GULP1: variants seen among roughly 807,000 people sequenced by gnomAD.
The protein encoded by GULP1 is GULP PTB domain containing engulfment adaptor 1, also known as PTB domain-containing engulfment adapter protein 1.
In GULP1, 19 loss-of-function variants were observed where a neutral mutation model predicts 40.9. The ratio of observed to expected loss-of-function variants is 0.46; its 90% CI spans 0.32 to 0.68. The LOEUF (loss-of-function observed/expected upper bound fraction) is 0.68. Among genes scored for constraint, GULP1 ranks in the 30% least tolerant of loss-of-function variants. The pLI is 0.03. For missense variants in GULP1, 312 were observed against 362.2 expected (o/e 0.86, Z 1.12); for synonymous variants, 119 against 117.6 (o/e 1.01, Z -0.08).
In GULP1 at chr2:188,587,912, T is replaced by A; in HGVS notation, c.806T>A (p.Phe269Tyr). The A allele has an allele frequency of 6.2e-7, 1 of 1,608,542 alleles. No homozygotes were observed. Among genetic ancestry groups the A allele is most frequent in the Non-Finnish European group, 8.5e-7 (1 of 1,174,990 alleles). ...FDPFNCGAAD[F>Y]PPDIQSKLDE... is the part of the protein sequence containing the mutation. ...CCATTTAACTGTGGAGCAGCAGATT[T>A]CCCTCCAGATATTCAATCAAAATTA... Residue 269 changes from phenylalanine (F) to tyrosine (Y), a missense_variant, in exon 11 of 12, where the codon TTC (phenylalanine) becomes TAC (tyrosine). By Grantham distance (22) the Phe-to-Tyr change is conservative. Transcript: ENST00000409830.
chr2:188,419,946 G>C (rs562882440), intron 2 of GULP1, among the ~76,000 whole-genome samples: 123 of 152,190 alleles, frequency 8.1e-4, no homozygotes, highest in South Asian at 3.5e-3. Flanking sequence ...AACACCATTT[G>C]TTGAAGAGAG....
chr2:188,467,168 A>G (rs1333413251), intron 2 of GULP1, among the ~76,000 whole-genome samples: 2 of 152,154 alleles, frequency 1.3e-5, no homozygotes, highest in Non-Finnish European at 2.9e-5. Context: ...ATTTTCAAGA[A>G]TTGGAGTTAG....
chr2:188,385,182 A>G (rs1288921379), intron 2 of GULP1, among the ~76,000 whole-genome samples: 1 of 152,136 alleles, frequency 6.6e-6, no homozygotes, highest in African/African-American at 2.4e-5. Context: ...TTCTGCCTGG[A>G]CATCCAGGCA....
intron 1 of GULP1, among the ~76,000 whole-genome samples, chr2:188,328,922 T>TA (rs1205609165): frequency 6.6e-6 from 1 of 152,154 alleles, no homozygotes; most frequent in Admixed American, 6.6e-5. Flanking sequence ...TTTTCCACTT[T>TA]TTAGAAGTCA....
rs184919328 is a variant in GULP1 at position 188,539,720 on chromosome 2, A to G, written c.262-1461A>G. Among the ~76,000 whole-genome samples, 4 of 152,242 alleles carry G rather than the reference A, an allele frequency of 2.6e-5. 1 individual carries two copies. In the South Asian group the frequency reaches 8.3e-4, roughly 32 times the overall value. On this transcript the variant is annotated intron_variant, in intron 6 of 11. Coordinates refer to ENST00000409830, the MANE Select transcript of GULP1 (RefSeq NM_016315.4). ...GTATGCAGGGAAAGAATGCTTTGCT[A>G]TGGACAGTTCTCTTAGCATTTATTT...
intron 1 of GULP1, among the ~76,000 whole-genome samples, chr2:188,359,884 AAG>A (rs1441881999): frequency 6.6e-6 from 1 of 152,240 alleles, no homozygotes; most frequent in African/African-American, 2.4e-5. Context: ...ATTGTGCAAA[AAG>A]ATATATTAGA....
chr2:188,367,327 C>A (rs1003287294), intron 1 of GULP1, among the ~76,000 whole-genome samples: 10 of 152,144 alleles, frequency 6.6e-5, no homozygotes, highest in Admixed American at 3.9e-4. Context: ...GTCTCAGCTG[C>A]AGGGCAGACA....
intron 1 of GULP1, chr2:188,294,081 T>C (rs12693492): frequency 0.15 from 22,854 of 152,192 alleles, 1,840 homozygotes; most frequent in Middle Eastern, 0.17. Flanking sequence ...GCTGGGGGCC[T>C]GATGCTGTTT....
intron 1 of GULP1, among the ~76,000 whole-genome samples, chr2:188,359,393 T>TA (rs2045793656): frequency 6.6e-6 from 1 of 152,126 alleles, no homozygotes; most frequent in African/African-American, 2.4e-5. Flanking sequence ...TTACAGTTCT[T>TA]AAAATGACAG....
intron 1 of GULP1, among the ~76,000 whole-genome samples, chr2:188,377,417 C>T (rs570334000): frequency 6.6e-6 from 1 of 152,116 alleles, no homozygotes; most frequent in Non-Finnish European, 1.5e-5. Context: ...AATTTACCTA[C>T]CACTATGTTT....
chr2:188,578,642 T>G (rs750932531), intron 9 of GULP1, among the ~76,000 whole-genome samples: 1 of 152,124 alleles, frequency 6.6e-6, no homozygotes, highest in Non-Finnish European at 1.5e-5. Flanking sequence ...TTCTGTATAA[T>G]TACCATATAA....
intron 2 of GULP1, among the ~76,000 whole-genome samples, chr2:188,453,932 G>A (rs1235716328): frequency 6.6e-6 from 1 of 152,190 alleles, no homozygotes; most frequent in Non-Finnish European, 1.5e-5. Context: ...TCTTTCCACT[G>A]CACTCTTGGC....
chr2:188,428,884 TG>T (rs201460035), intron 2 of GULP1, among the ~76,000 whole-genome samples: 1,589 of 147,680 alleles, frequency 0.011, 22 homozygotes, highest in African/African-American at 0.036. Context: ...AAAAAAAGTG[TG>T]TTTTTTTTTT....
chr2:188,471,922 ACTTG>A (rs2060621684), intron 2 of GULP1, among the ~76,000 whole-genome samples: 1 of 152,184 alleles, frequency 6.6e-6, no homozygotes, highest in Non-Finnish European at 1.5e-5. Flanking sequence ...TGACTAAAGT[ACTTG>A]CTTTAGCATC....
chr2:188,514,193 A>G (rs543181418), intron 4 of GULP1, among the ~76,000 whole-genome samples: 23 of 152,106 alleles, frequency 1.5e-4, no homozygotes, highest in Non-Finnish European at 2.8e-4. Flanking sequence ...TTGAGTAAAC[A>G]ATTATCTTAC....
chr2:188,343,549 C>T (rs1383493139), intron 1 of GULP1, among the ~76,000 whole-genome samples: 5 of 152,138 alleles, frequency 3.3e-5, no homozygotes, highest in Non-Finnish European at 7.4e-5. Flanking sequence ...CGCATATCTA[C>T]TTAAACTATT....
At chr2:188,583,746 G>C (rs1245568064) in intron 9 of GULP1, among the ~76,000 whole-genome samples, 1 of 152,046 alleles carries the variant, frequency 6.6e-6, no homozygotes, top group South Asian at 2.1e-4. Context: ...GGTTCCCATT[G>C]TTGATATAAA....
intron 3 of GULP1, among the ~76,000 whole-genome samples, chr2:188,482,654 A>T (rs1432612538): frequency 6.6e-6 from 1 of 151,684 alleles, no homozygotes; most frequent in Non-Finnish European, 1.5e-5. Context: ...TGTGGGCTAT[A>T]TTAATAAAGT....
At chr2:188,297,854 T>G (rs2035319898) in intron 1 of GULP1, among the ~76,000 whole-genome samples, 1 of 152,128 alleles carries the variant, frequency 6.6e-6, no homozygotes, top group Non-Finnish European at 1.5e-5. Flanking sequence ...TGTAGTATGG[T>G]AGCAAACGTG....
Sources: gnomAD v4.1 joint callset for allele counts (sites outside exome capture counted in the v4.1 genomes callset) on GRCh38, gnomAD v4.1.1 for gene constraint, MANE v1.5 for transcripts, NCBI Gene and HGNC (gene_info 2026-07-23, HGNC 2026-07-21) for gene names.